GRIN2B: variants seen among roughly 807,000 people sequenced by gnomAD.
GRIN2B encodes the protein glutamate receptor ionotropic, NMDA 2B.
A neutral mutation model predicts 114.5 loss-of-function variants in GRIN2B; 5 were observed. The observed-to-expected ratio is 0.04, with a 90% CI of 0.02 to 0.09. The LOEUF (loss-of-function observed/expected upper bound fraction) is 0.09. Among genes scored for constraint, GRIN2B ranks in the 10% least tolerant of loss-of-function variants. GRIN2B has a pLI of 1.00. For missense variants in GRIN2B, 1,108 were observed against 1,943.5 expected, an observed-to-expected ratio of 0.57 and a Z score of 8.08; for synonymous variants, 787 against 745.1, an observed-to-expected ratio of 1.06 and a Z score of -0.92.
intron 10 of GRIN2B, among the ~76,000 whole-genome samples, chr12:13,583,967 C>G (rs1473360145): frequency 6.6e-6 from 1 of 152,078 alleles, no homozygotes; most frequent in Non-Finnish European, 1.5e-5. Flanking sequence ...TGGAAAACTA[C>G]TAAGAGCCTG....
chr12:13,826,810 A>G (rs1347834000), intron 3 of GRIN2B, among the ~76,000 whole-genome samples: 1 of 152,056 alleles, frequency 6.6e-6, no homozygotes, highest in Non-Finnish European at 1.5e-5. Context: ...ATGTTCTTCA[A>G]TCCATTTTGT....
chr12:13,566,456 GA>G (rs1331057997), intron 13 of GRIN2B, among the ~76,000 whole-genome samples: 1 of 152,156 alleles, frequency 6.6e-6, no homozygotes, highest in Non-Finnish European at 1.5e-5. Context: ...CCTAAATAAA[GA>G]ATGACCTAAG....
intron 10 of GRIN2B, among the ~76,000 whole-genome samples, chr12:13,587,476 T>C (rs1042700743): frequency 6.6e-6 from 1 of 151,886 alleles, no homozygotes; most frequent in South Asian, 2.1e-4. Context: ...CACCTCAGCC[T>C]CCCAAGTAGC....
intron 10 of GRIN2B, among the ~76,000 whole-genome samples, chr12:13,593,760 A>G (rs1949038498): frequency 6.6e-6 from 1 of 152,226 alleles, no homozygotes; most frequent in Non-Finnish European, 1.5e-5. Flanking sequence ...CAGAATGGGG[A>G]AAATTTTGGC....
upstream of GRIN2B, among the ~76,000 whole-genome samples, chr12:13,982,118 G>T (rs967895393): frequency 5.9e-5 from 9 of 151,648 alleles, no homozygotes; most frequent in African/African-American, 2.2e-4. Context: ...CTGGGGAAGT[G>T]GGGTGGTAAG....
intron 3 of GRIN2B, among the ~76,000 whole-genome samples, chr12:13,764,059 A>G (rs1035742361): frequency 1.3e-5 from 2 of 152,124 alleles, no homozygotes; most frequent in African/African-American, 4.8e-5. Flanking sequence ...GTGCAATACA[A>G]TCCACTAGGA....
intron 2 of GRIN2B, among the ~76,000 whole-genome samples, chr12:13,873,335 A>G (rs922934361): frequency 7.9e-5 from 12 of 152,242 alleles, no homozygotes; most frequent in Non-Finnish European, 8.8e-5. Context: ...ACAAACATCT[A>G]CTTTTCAATA....
chr12:13,920,339 C>T (rs1273886903), intron 2 of GRIN2B, among the ~76,000 whole-genome samples: 3 of 151,944 alleles, frequency 2.0e-5, no homozygotes, highest in East Asian at 3.9e-4. Flanking sequence ...AACTCACTTA[C>T]GCTTCTCACA....
At chr12:13,805,245 A>T (rs976800916) in intron 3 of GRIN2B, among the ~76,000 whole-genome samples, 1 of 152,174 alleles carries the variant, frequency 6.6e-6, no homozygotes, top group Non-Finnish European at 1.5e-5. Context: ...GGTTAAAGAC[A>T]AAGTTAATAA....
chr12:13,689,589 T>C (rs944335249), intron 4 of GRIN2B, among the ~76,000 whole-genome samples: 1 of 152,146 alleles, frequency 6.6e-6, no homozygotes, highest in Non-Finnish European at 1.5e-5. Flanking sequence ...TCCTGGGCCC[T>C]TTGCCTTATA....
At chr12:13,790,356 C>T (rs1864300218) in intron 3 of GRIN2B, among the ~76,000 whole-genome samples, 2 of 152,208 alleles carry the variant, frequency 1.3e-5, no homozygotes, top group Non-Finnish European at 2.9e-5. Flanking sequence ...CACACATCCC[C>T]AAACCCTTCC....
At chr12:13,775,824 G>C (rs2136650391) in intron 3 of GRIN2B, among the ~76,000 whole-genome samples, 1 of 152,174 alleles carries the variant, frequency 6.6e-6, no homozygotes, top group Non-Finnish European at 1.5e-5. Flanking sequence ...ATGTTCATTA[G>C]TCACATATAT....
chr12:13,824,709 A>T (rs531601160), intron 3 of GRIN2B, among the ~76,000 whole-genome samples: 107 of 152,192 alleles, frequency 7.0e-4, no homozygotes, highest in African/African-American at 2.4e-3. Context: ...AAAAAAAATT[A>T]GCCAGGTGTG....
chr12:13,621,898 G>T (rs1213531991), intron 5 of GRIN2B, among the ~76,000 whole-genome samples: 1 of 152,052 alleles, frequency 6.6e-6, no homozygotes, highest in Non-Finnish European at 1.5e-5. Context: ...TTAGCACCCT[G>T]ACAAGGCCAC....
chr12:13,576,091 G>C (rs1275225187), intron 10 of GRIN2B, among the ~76,000 whole-genome samples: 1 of 152,186 alleles, frequency 6.6e-6, no homozygotes, highest in African/African-American at 2.4e-5. Flanking sequence ...CCAAAGCAGT[G>C]AGTTTGCCTT....
chr12:13,650,996 A>C (rs1283224583), intron 5 of GRIN2B, among the ~76,000 whole-genome samples: 1 of 152,080 alleles, frequency 6.6e-6, no homozygotes, highest in Non-Finnish European at 1.5e-5. Flanking sequence ...CATTTAACCT[A>C]AAGGACTTCA....
At chr12:13,603,426 A>T (rs1383968018) in intron 10 of GRIN2B, among the ~76,000 whole-genome samples, 1 of 152,152 alleles carries the variant, frequency 6.6e-6, no homozygotes, top group Non-Finnish European at 1.5e-5. Context: ...CAGGGGCTAT[A>T]GTGAGCCAGG....
At chr12:13,573,222 C>T (rs1335925142) in intron 10 of GRIN2B, among the ~76,000 whole-genome samples, 1 of 149,278 alleles carries the variant, frequency 6.7e-6, no homozygotes, top group Non-Finnish European at 1.5e-5. Flanking sequence ...GAGGCCGAGG[C>T]GGGCGGATCA....
chr12:13,929,799 T>C (rs219879), intron 2 of GRIN2B, among the ~76,000 whole-genome samples: 115,862 of 152,180 alleles, frequency 0.76, 44,943 homozygotes, highest in Non-Finnish European at 0.86. Context: ...TAAAGCACCC[T>C]AGAACCCAGT....
Sources: gnomAD v4.1 joint callset for allele counts (sites outside exome capture counted in the v4.1 genomes callset) on GRCh38, gnomAD v4.1.1 for gene constraint, MANE v1.5 for transcripts, NCBI Gene and HGNC (gene_info 2026-07-23, HGNC 2026-07-21) for gene names.